The following POLR2F variants were observed in gnomAD, a reference collection of about 807,000 sequenced individuals.
POLR2F encodes the protein DNA-directed RNA polymerases I, II, and III subunit RPABC2.
POLR2F carries 12 observed loss-of-function variants against 22.7 expected under a neutral mutation model. The observed-to-expected ratio is 0.53, with a 90% CI of 0.34 to 0.86. The LOEUF (loss-of-function observed/expected upper bound fraction) is 0.86, where lower values mean the gene tolerates loss of function less well. Ranked by LOEUF, POLR2F falls within the 40% of genes least tolerant of loss-of-function variation. The pLI is 0.02. For synonymous variants in POLR2F, 57 were observed against 66.0 expected, an observed-to-expected ratio of 0.86 and a Z score of 0.66; for missense variants, 126 against 171.5, an observed-to-expected ratio of 0.73 and a Z score of 1.48.
At chr22:38,037,353 A>G (rs1016461609) in intron 5 of POLR2F, among the ~76,000 whole-genome samples, 8 of 151,726 alleles carry the variant, frequency 5.3e-5, no homozygotes, top group African/African-American at 1.5e-4. Context: ...GGCTCACTGC[A>G]GCCTTGAACT....
chr22:37,977,463 G>A (rs1569168972), intron 4 of POLR2F, among the ~76,000 whole-genome samples: 2 of 151,912 alleles, frequency 1.3e-5, no homozygotes, highest in Non-Finnish European at 2.9e-5. Context: ...TGGGACTACA[G>A]GTGCTCGCCA....
At chr22:37,954,030 A>G in intron 1 of POLR2F, among the ~76,000 whole-genome samples, 1 of 152,244 alleles carries the variant, frequency 6.6e-6, no homozygotes, top group East Asian at 1.9e-4. Context: ...GGGGATCCGT[A>G]GAAAAGGTGT....
intron 4 of POLR2F, among the ~76,000 whole-genome samples, chr22:37,975,557 G>A (rs1232876978): frequency 3.9e-5 from 6 of 152,156 alleles, no homozygotes; most frequent in Non-Finnish European, 5.9e-5. Context: ...GCATCCCAAT[G>A]GAGACAGAAC....
chr22:37,985,361 A>C (rs1932539109), upstream of POLR2F: 1 of 151,922 alleles, frequency 6.6e-6, no homozygotes, highest in African/African-American at 2.4e-5. Context: ...ATTGTCACGA[A>C]GTCCTCTACT....
intron 3 of POLR2F, among the ~76,000 whole-genome samples, chr22:37,965,399 C>T (rs1013943757): frequency 4.6e-5 from 7 of 152,342 alleles, no homozygotes; most frequent in Admixed American, 2.0e-4. Context: ...ACATCTACTT[C>T]TTAACTGGAT....
chr22:38,021,083 G>A (rs371600115), intron 1 of POLR2F, among the ~76,000 whole-genome samples: 7 of 152,296 alleles, frequency 4.6e-5, no homozygotes, highest in South Asian at 2.1e-4. Flanking sequence ...AGAGTCCCAC[G>A]TGGACCTTTC....
At chr22:37,972,195 C>A (rs779921837), downstream of POLR2F, 4 of 1,238,674 alleles carry the variant, frequency 3.2e-6, no homozygotes, top group African/African-American at 1.6e-5. Context: ...GAGAGAGAGA[C>A]CTTTGATGAT....
At chr22:38,021,099 G>C (rs954958948) in intron 1 of POLR2F, among the ~76,000 whole-genome samples, 1 of 152,198 alleles carries the variant, frequency 6.6e-6, no homozygotes, top group Non-Finnish European at 1.5e-5. Flanking sequence ...CTTTCCTGGG[G>C]CGCACACTGC....
chr22:38,029,255 C>T (rs2085043825), downstream of POLR2F, among the ~76,000 whole-genome samples: 1 of 152,128 alleles, frequency 6.6e-6, no homozygotes, highest in African/African-American at 2.4e-5. Context: ...GAAATGACCC[C>T]GTCTAAGTCT....
At chr22:37,985,818 A>AAC (rs60447362), upstream of POLR2F, among the ~76,000 whole-genome samples, 4,606 of 144,400 alleles carry the variant, frequency 0.032, 87 homozygotes, top group Middle Eastern at 0.046. Context: ...CAGACACTGG[A>AAC]ACACACACAC....
In POLR2F at chr22:37,959,425, T is replaced by C; in HGVS notation, c.170T>C (p.Met57Thr). Residue 57 changes from methionine to threonine, a missense_variant, in exon 3 of 5, where the codon ATG becomes ACG. Met to Thr is a moderately conservative substitution (Grantham distance 81). Transcript: ENST00000442738. The part of the protein sequence containing the change: ...ANQKRITTPY[M>T]TKYERARVLG... Reference sequence around the variant, plus strand: ...CAGAAGCGAATCACCACACCATACATGACCAAGTACGAGCGAGCCCGCGTG... The same window carrying C: ...CAGAAGCGAATCACCACACCATACACGACCAAGTACGAGCGAGCCCGCGTG... The C allele has an allele frequency of 6.2e-7, 1 of 1,614,124 alleles. No individual in the cohort carries two copies. The highest frequency in any genetic ancestry group is 8.5e-7 in the Non-Finnish European group (1 of 1,180,010).
At chr22:37,961,785 G>T (rs1245315574) in intron 3 of POLR2F, among the ~76,000 whole-genome samples, 2 of 152,098 alleles carry the variant, frequency 1.3e-5, no homozygotes, top group Non-Finnish European at 2.9e-5. Flanking sequence ...AGTAGGTGAG[G>T]GGACAGAGCG....
intron 1 of POLR2F, among the ~76,000 whole-genome samples, chr22:37,992,842 A>G (rs1932752055): frequency 6.6e-6 from 1 of 152,238 alleles, no homozygotes; most frequent in African/African-American, 2.4e-5. Flanking sequence ...AGGGGAAGCA[A>G]GTGACTGAGC....
At chr22:38,036,222 C>T (rs1262870748) in intron 5 of POLR2F, among the ~76,000 whole-genome samples, 1 of 151,736 alleles carries the variant, frequency 6.6e-6, no homozygotes, top group African/African-American at 2.4e-5. Context: ...GGTGATCCAC[C>T]TGCCTCAGCC....
intron 1 of POLR2F, among the ~76,000 whole-genome samples, chr22:38,006,718 G>A (rs2084824685): frequency 6.6e-6 from 1 of 152,200 alleles, no homozygotes; most frequent in South Asian, 2.1e-4. Context: ...AGCAACGGGG[G>A]AAGGACAGGG....
intron 4 of POLR2F, among the ~76,000 whole-genome samples, chr22:37,975,243 G>A (rs1452398551): frequency 1.3e-5 from 2 of 152,184 alleles, no homozygotes; most frequent in Non-Finnish European, 2.9e-5. Flanking sequence ...AAAGCTCATA[G>A]TCTAGTCATA....
At chr22:38,028,187 G>A (rs2085031854), downstream of POLR2F, among the ~76,000 whole-genome samples, 1 of 152,138 alleles carries the variant, frequency 6.6e-6, no homozygotes, top group Admixed American at 6.5e-5. Flanking sequence ...GAGAGAGACT[G>A]CGCTAGAGAT....
chr22:38,025,440 A>G, intron 1 of POLR2F: 1 of 1,249,378 alleles, frequency 8.0e-7, no homozygotes, highest in Non-Finnish European at 1.1e-6. Context: ...ATGTGCACAC[A>G]CTGATTCATA....
rs186459457 is a variant in POLR2F at position 37,997,102 on chromosome 22, T to C, written c.120+10790T>C. Among the ~76,000 whole-genome samples, 58 of 152,006 alleles carry C rather than the reference T, an allele frequency of 3.8e-4. No individual in the cohort carries two copies. Among genetic ancestry groups the C allele is most frequent in the Admixed American group, 9.2e-4 (14 of 15,278 alleles). On this transcript the variant is annotated intron_variant, in intron 1 of 2. Transcript: ENST00000333418. The surrounding 1 kb of genome is among the most constrained non-coding windows in gnomAD (Gnocchi z 4.4). ...AGGTGGCAGGCCGTAGGGAGCAGGG[T>C]GCTGCCTGGGGAGGGTGTGTGCTGT... is the stretch of plus-strand genomic sequence containing the variant.
Sources: gnomAD v4.1 joint callset for allele counts (sites outside exome capture counted in the v4.1 genomes callset) on GRCh38, gnomAD v4.1.1 for gene constraint, Gnocchi (gnomAD v3.1) non-coding constraint, MANE v1.5 for transcripts, NCBI Gene and HGNC (gene_info 2026-07-23, HGNC 2026-07-21) for gene names.